Variants in SIRT6 observed in about 807,000 individuals in gnomAD.
SIRT6 encodes the protein sirtuin 6.
A neutral mutation model predicts 33.6 loss-of-function variants in SIRT6; 21 were observed. The ratio of observed to expected loss-of-function variants is 0.62; its 90% CI spans 0.44 to 0.90. The LOEUF (loss-of-function observed/expected upper bound fraction) is 0.90. SIRT6 is among the 40% of genes least tolerant of loss of function. The pLI, the probability that SIRT6 is intolerant of heterozygous loss-of-function variation, is 0.00. For synonymous variants in SIRT6, 221 were observed against 223.9 expected (o/e 0.99, Z 0.12); for missense variants, 504 against 510.6 (o/e 0.99, Z 0.12).
chr19:4,175,566 G>T, intron 6 of SIRT6, 114 bp downstream of exon 6: 1 of 1,058,628 alleles, frequency 9.4e-7, no homozygotes, highest in Non-Finnish European at 1.3e-6. Context: ...GCTCCAGGAA[G>T]CCTCCCCTCA....
At position 4,180,388 on chromosome 19, in the gene SIRT6, T is replaced by C. The variant is rs1453053395; in HGVS notation, c.194+394A>G. On this transcript the variant is annotated intron_variant, in intron 2 of 7. Transcript: ENST00000337491. ...GCTGGTTGTGACAAGGGACACATCTTTTTGTTTTGTTTTTAGACGGAGCCT... is the reference window on the plus strand; with the variant it reads ...GCTGGTTGTGACAAGGGACACATCTCTTTGTTTTGTTTTTAGACGGAGCCT... Among the ~76,000 whole-genome samples, 3 of 151,886 alleles carry C rather than the reference T, an allele frequency of 2.0e-5. No individual in the cohort carries two copies. The East Asian group carries it at 5.8e-4, about 29-fold the overall frequency.
At chr19:4,181,030 G>A in intron 1 of SIRT6, 121 bp from the exon 2 acceptor site, 4 of 1,331,984 alleles carry the variant, frequency 3.0e-6, no homozygotes, top group East Asian at 2.5e-5. Context: ...ATTGGAAAAG[G>A]CAGCTTGTCC....
intron 4 of SIRT6, 71 bp from the exon 5 acceptor site, chr19:4,176,008 G>T: frequency 7.2e-7 from 1 of 1,383,276 alleles, no homozygotes; most frequent in African/African-American, 1.4e-5. Context: ...CTGTTTCTAG[G>T]GTGACGTTCT....
intron 4 of SIRT6, 90 bp from the exon 5 acceptor site, chr19:4,176,027 G>T: frequency 8.7e-7 from 1 of 1,151,880 alleles, no homozygotes; most frequent in Non-Finnish European, 1.2e-6. Flanking sequence ...CTCCCAGGGA[G>T]GTGGGGGGTG....
chr19:4,180,788 T>G lies in SIRT6; in HGVS notation c.188A>C (p.Asp63Ala), dbSNP rs1328750644. Residue 63 changes from aspartate to alanine, a missense_variant, in exon 2 of 8, where the codon GAC becomes GCC. Coordinates refer to ENST00000337491, the MANE Select transcript of SIRT6 (RefSeq NM_016539.4). The part of the protein sequence containing the change: ...AGISTASGIP[D>A]FRGPHGVWTM... Reference sequence around the variant, plus strand: ...CCCCTGCACAATCACAGACCTGAAGTCGGGGATGCCAGAGGCAGTGCTGAT... The same window carrying G: ...CCCCTGCACAATCACAGACCTGAAGGCGGGGATGCCAGAGGCAGTGCTGAT... 11 of 1,610,420 alleles carry G rather than the reference T, an allele frequency of 6.8e-6. No homozygotes were observed. Among genetic ancestry groups the G allele is most frequent in the Non-Finnish European group, 9.3e-6 (11 of 1,178,020 alleles).
At chr19:4,181,147 C>T in intron 1 of SIRT6, among the ~76,000 whole-genome samples, 1 of 152,164 alleles carries the variant, frequency 6.6e-6, no homozygotes, top group Non-Finnish European at 1.5e-5. Flanking sequence ...CTTGCCCCCT[C>T]CCTGCCCTCT....
chr19:4,178,907 C>T (rs1391114977), intron 3 of SIRT6, among the ~76,000 whole-genome samples, 197 bp downstream of exon 3: 1 of 152,212 alleles, frequency 6.6e-6, no homozygotes, highest in African/African-American at 2.4e-5. Context: ...CCCCTTAGCC[C>T]CATCTCGAGG....
In SIRT6 at chr19:4,179,184, C is replaced by T. The variant is rs200705670; in HGVS notation, c.297G>A (p.Val99=). Residue 99 remains valine (V), a synonymous_variant, in exon 3 of 8, where the codon GTG becomes GTA. Coordinates refer to ENST00000337491, the MANE Select transcript of SIRT6 (RefSeq NM_016539.4). ...GGAGGAGGCCCACGCGCTCCAGCTG[C>T]ACCAGCGCCATGTGGGTCTGCGTGG... ...ARPTQTHMAL[V]QLERVGLLRF... 7.5e-5 allele frequency: 121 copies of T among 1,612,168 alleles called. No homozygotes were observed. Among genetic ancestry groups the T allele is most frequent in the Middle Eastern group, 1.7e-4 (1 of 6,056 alleles).
In SIRT6 at chr19:4,175,148, G is replaced by A. The variant is rs201408116; in HGVS notation, c.618C>T (p.Asn206=). 28 of 1,600,928 alleles carry A rather than the reference G, an allele frequency of 1.7e-5. No homozygotes were observed. Among genetic ancestry groups the A allele is most frequent in the East Asian group, 2.2e-5 (1 of 44,474 alleles). ...TACCCAGCGTGATGGACAGGTCGGC[G>A]TTCCTGGGGCCGGGGAGCGTGGGCT... is the stretch of plus-strand genomic sequence containing the variant. ...DLALADEASR[N]ADLSITLGTS... is the part of the protein sequence containing the mutation. The change falls in exon 7 of 8, where the codon AAC becomes AAT. Residue 206 remains asparagine (N), a synonymous_variant. Coordinates refer to ENST00000337491, the MANE Select transcript of SIRT6 (RefSeq NM_016539.4).
chr19:4,177,037 C>T lies in SIRT6; in HGVS notation c.437+42G>A, dbSNP rs779042928. The T allele has an allele frequency of 7.0e-6, 11 of 1,580,780 alleles. No homozygotes were observed. The East Asian group carries it at 2.2e-4, about 32-fold the overall frequency. ...GGACATCGGATTCGACCCCCAACCC[C>T]CTCTGGCAGAGCCCCCACCCCTGCA... is the stretch of plus-strand genomic sequence containing the variant. On this transcript the variant is annotated intron_variant, in intron 4 of 7. Transcript: ENST00000337491.
rs1310334247 is a variant in SIRT6 at position 4,177,078 on chromosome 19, C to T, written c.437+1G>A. 4 of 1,613,518 alleles carry T rather than the reference C, an allele frequency of 2.5e-6. No homozygotes were observed. Among genetic ancestry groups the T allele is most frequent in the African/African-American group, 1.3e-5 (1 of 74,876 alleles). Reference sequence around the variant, plus strand: ...CACCCCTGCACCCAGGTGGCACTCACGTCTTACACTTGGCACATTCTTCCA... The same window carrying T: ...CACCCCTGCACCCAGGTGGCACTCATGTCTTACACTTGGCACATTCTTCCA... On this transcript the variant is annotated splice_donor_variant, in intron 4 of 7. Transcript: ENST00000337491. LOFTEE classifies it high-confidence loss of function.
At chr19:4,179,054 C>T (rs775280145) in intron 3 of SIRT6, 50 bp downstream of exon 3, 6 of 1,595,206 alleles carry the variant, frequency 3.8e-6, no homozygotes, top group African/African-American at 1.3e-5. Flanking sequence ...AATGCAAACA[C>T]GGTTTGTGGG....
At chr19:4,176,074 C>G (rs902696350) in intron 4 of SIRT6, 137 bp from the exon 5 acceptor site, 4 of 668,536 alleles carry the variant, frequency 6.0e-6, no homozygotes, top group Non-Finnish European at 7.7e-6. Flanking sequence ...CGACACGGAA[C>G]GAGTAGCCTT....
chr19:4,175,962 A>C, intron 4 of SIRT6, 25 bp from the exon 5 acceptor site: 5 of 1,550,584 alleles, frequency 3.2e-6, no homozygotes, highest in Non-Finnish European at 4.4e-6. Context: ...AAGGGGGAGG[A>C]TGGGACCAGG....
intron 3 of SIRT6, among the ~76,000 whole-genome samples, chr19:4,177,614 G>A (rs1967381757): frequency 6.6e-6 from 1 of 152,138 alleles, no homozygotes; most frequent in East Asian, 1.9e-4. Context: ...AGGTTGGAGT[G>A]CAATGGTGCA....
chr19:4,181,222 C>T (rs1042393881), intron 1 of SIRT6, among the ~76,000 whole-genome samples: 6 of 152,140 alleles, frequency 3.9e-5, no homozygotes, highest in African/African-American at 1.2e-4. Flanking sequence ...TCCTCTATCA[C>T]ACCAGGCACA....
intron 3 of SIRT6, among the ~76,000 whole-genome samples, chr19:4,177,893 T>G (rs1188517466): frequency 6.6e-6 from 1 of 151,660 alleles, no homozygotes; most frequent in Non-Finnish European, 1.5e-5. Flanking sequence ...CCCAGCCTAA[T>G]TTTTCTGTTT....
intron 3 of SIRT6, among the ~76,000 whole-genome samples, chr19:4,178,791 T>G (rs1220008002): frequency 6.6e-6 from 1 of 152,034 alleles, no homozygotes. Flanking sequence ...TGAGCGGAGA[T>G]CACGCCATTG....
At chr19:4,176,749 T>C (rs1257631077) in intron 4 of SIRT6, among the ~76,000 whole-genome samples, 1 of 152,146 alleles carries the variant, frequency 6.6e-6, no homozygotes, top group Non-Finnish European at 1.5e-5. Context: ...TTTGGACTTC[T>C]GGTCCCCAGA....
Sources: gnomAD v4.1 joint callset for allele counts (sites outside exome capture counted in the v4.1 genomes callset) on GRCh38, gnomAD v4.1.1 for gene constraint, MANE v1.5 for transcripts, NCBI Gene and HGNC (gene_info 2026-07-23, HGNC 2026-07-21) for gene names.